Variants in MIPEP observed in about 807,000 individuals in gnomAD.
MIPEP encodes the protein mitochondrial intermediate peptidase.
In MIPEP, 79 loss-of-function variants were observed where a neutral mutation model predicts 90.3. The ratio of observed to expected loss-of-function variants is 0.87; its 90% CI spans 0.73 to 1.05. The LOEUF (loss-of-function observed/expected upper bound fraction) is 1.05, where lower values mean the gene tolerates loss of function less well. MIPEP is among the 50% of genes least tolerant of loss of function. The pLI is 0.00. For missense variants in MIPEP, 940 were observed against 905.6 expected, an observed-to-expected ratio of 1.04 and a Z score of -0.49; for synonymous variants, 334 against 315.8, an observed-to-expected ratio of 1.06 and a Z score of -0.61.
chr13:23,867,330 G>T (rs1373911889), intron 7 of MIPEP, among the ~76,000 whole-genome samples: 1 of 152,124 alleles, frequency 6.6e-6, no homozygotes, highest in Non-Finnish European at 1.5e-5. Context: ...ACTTGATAGT[G>T]ACTCTGCGTG....
At position 23,816,311 on chromosome 13, in the gene MIPEP, C is replaced by A. The variant is rs545366942; in HGVS notation, c.1654-6387G>T. Among the ~76,000 whole-genome samples, 10 of 152,214 alleles carry A rather than the reference C, an allele frequency of 6.6e-5. 1 individual carries two copies. In the South Asian group the frequency reaches 2.1e-3, roughly 32 times the overall value. On this transcript the variant is annotated intron_variant, in intron 14 of 18. Transcript: ENST00000382172. ...TGTATGTTACACTGGCTGGTATTGT[C>A]CCAGAGTTCTTGGATGCTTGGTTTT...
intron 18 of MIPEP, among the ~76,000 whole-genome samples, chr13:23,751,976 CA>C (rs1018263121): frequency 3.3e-5 from 5 of 151,782 alleles, no homozygotes; most frequent in African/African-American, 1.2e-4. Context: ...GCCCAAGACC[CA>C]CATTGCTTAC....
chr13:23,810,290 T>C (rs1184084450), intron 14 of MIPEP, among the ~76,000 whole-genome samples: 1 of 152,234 alleles, frequency 6.6e-6, no homozygotes, highest in Non-Finnish European at 1.5e-5. Flanking sequence ...TAAGTGCATA[T>C]AATCACTGAC....
At chr13:23,749,154 A>G (rs1236835803) in intron 18 of MIPEP, among the ~76,000 whole-genome samples, 1 of 152,216 alleles carries the variant, frequency 6.6e-6, no homozygotes, top group African/African-American at 2.4e-5. Context: ...ATCTGTGTAT[A>G]CCTTTTGACA....
intron 17 of MIPEP, among the ~76,000 whole-genome samples, chr13:23,759,682 C>T (rs1952519603): frequency 6.6e-6 from 1 of 152,198 alleles, no homozygotes; most frequent in Non-Finnish European, 1.5e-5. Flanking sequence ...TTCCTCCCGA[C>T]AATGCTCCCA....
chr13:23,887,243 G>T (rs1186777459), intron 1 of MIPEP, among the ~76,000 whole-genome samples: 3 of 152,148 alleles, frequency 2.0e-5, no homozygotes, highest in Non-Finnish European at 4.4e-5. Flanking sequence ...TAATGGTAAT[G>T]ACCATTCTCT....
chr13:23,805,468 C>T (rs1042177798), intron 16 of MIPEP, among the ~76,000 whole-genome samples: 8 of 152,094 alleles, frequency 5.3e-5, no homozygotes, highest in Non-Finnish European at 1.0e-4. Flanking sequence ...TAGAGTCTGG[C>T]GCCTAGAATC....
chr13:23,757,396 A>C (rs1194758043), intron 17 of MIPEP, among the ~76,000 whole-genome samples: 3 of 152,132 alleles, frequency 2.0e-5, no homozygotes, highest in Non-Finnish European at 4.4e-5. Context: ...AGTTCCCAGT[A>C]CCAGTCTGTG....
At chr13:23,756,193 T>C (rs112025006) in intron 18 of MIPEP, among the ~76,000 whole-genome samples, 4,042 of 152,348 alleles carry the variant, frequency 0.027, 191 homozygotes, top group African/African-American at 0.092. Context: ...TTGCTCATGT[T>C]GCCCAGGCTG....
intron 16 of MIPEP, among the ~76,000 whole-genome samples, chr13:23,801,846 C>T (rs975671068): frequency 2.0e-5 from 3 of 152,144 alleles, no homozygotes; most frequent in Non-Finnish European, 4.4e-5. Context: ...GGGTTCTTCC[C>T]GGAATCCTCC....
chr13:23,769,153 C>T (rs901054672), intron 16 of MIPEP, among the ~76,000 whole-genome samples: 1 of 152,136 alleles, frequency 6.6e-6, no homozygotes, highest in African/African-American at 2.4e-5. Flanking sequence ...CCCATGCTAA[C>T]ATTGGGAAAG....
chr13:23,833,741 A>G (rs1002354347), intron 14 of MIPEP, among the ~76,000 whole-genome samples: 13 of 152,128 alleles, frequency 8.5e-5, no homozygotes, highest in Admixed American at 7.9e-4. Context: ...TTTTAAAAAA[A>G]TGACTACTGT....
intron 10 of MIPEP, among the ~76,000 whole-genome samples, chr13:23,858,098 T>A (rs1469842442): frequency 6.6e-6 from 1 of 152,144 alleles, no homozygotes; most frequent in Non-Finnish European, 1.5e-5. Flanking sequence ...TAATAAGTTG[T>A]TAAAGAGTAG....
In MIPEP at chr13:23,883,285, C is replaced by T. The variant is rs571877132; in HGVS notation, c.364-1498G>A. ...CTAAAAATGTCAAAATAAGATATAGCGCAGAGAAGTTAAAATCTTTTAGTG... is the reference window on the plus strand; with the variant it reads ...CTAAAAATGTCAAAATAAGATATAGTGCAGAGAAGTTAAAATCTTTTAGTG... On this transcript the variant is annotated intron_variant, in intron 2 of 18. Coordinates refer to ENST00000382172, the MANE Select transcript of MIPEP (RefSeq NM_005932.4). Among the ~76,000 whole-genome samples the T allele has an allele frequency of 9.2e-5, 14 of 151,396 alleles. No individual in the cohort carries two copies. In the South Asian group the frequency reaches 1.5e-3, roughly 16 times the overall value.
At chr13:23,747,429 T>A in intron 18 of MIPEP, 2 of 426,414 alleles carry the variant, frequency 4.7e-6, no homozygotes, top group East Asian at 1.4e-4. Flanking sequence ...GTCCCCTACT[T>A]ATTATGCCTG....
intron 4 of MIPEP, among the ~76,000 whole-genome samples, chr13:23,876,634 T>C (rs1036347698): frequency 1.3e-5 from 2 of 152,194 alleles, no homozygotes; most frequent in Non-Finnish European, 2.9e-5. Flanking sequence ...AAAGGTCTCT[T>C]AACATAGATA....
chr13:23,879,196 C>T, intron 4 of MIPEP, 72 bp downstream of exon 4: 1 of 851,758 alleles, frequency 1.2e-6, no homozygotes, highest in Non-Finnish European at 2.0e-6. Flanking sequence ...AGTACAGAGG[C>T]CCTGAGGGAG....
chr13:23,857,654 C>T (rs73160610), intron 10 of MIPEP, among the ~76,000 whole-genome samples: 3,424 of 152,158 alleles, frequency 0.023, 61 homozygotes, highest in Non-Finnish European at 0.033. Context: ...CACAATTATG[C>T]CTTGTAAGTA....
At chr13:23,786,364 TTAGA>T (rs1409567218) in intron 16 of MIPEP, among the ~76,000 whole-genome samples, 1 of 152,076 alleles carries the variant, frequency 6.6e-6, no homozygotes, top group East Asian at 1.9e-4. Flanking sequence ...TTAAATAATC[TTAGA>T]TAAGAAGTTC....
Sources: allele counts gnomAD v4.1 joint callset (sites outside exome capture counted in the v4.1 genomes callset), GRCh38; gene constraint gnomAD v4.1.1; transcripts MANE v1.5; gene names NCBI Gene and HGNC (gene_info 2026-07-23, HGNC 2026-07-21).